FRMD5: variants seen among roughly 807,000 people sequenced by gnomAD.
FRMD5 encodes FERM domain containing 5.
A neutral mutation model predicts 69.0 loss-of-function variants in FRMD5; 20 were observed. The ratio of observed to expected loss-of-function variants is 0.29; its 90% CI spans 0.20 to 0.42. The LOEUF (loss-of-function observed/expected upper bound fraction) is 0.42, where lower values mean the gene tolerates loss of function less well. Among genes scored for constraint, FRMD5 ranks in the 10% least tolerant of loss-of-function variants. The pLI is 1.00. For synonymous variants in FRMD5, 271 were observed against 260.1 expected (o/e 1.04, Z -0.40); for missense variants, 595 against 708.6 (o/e 0.84, Z 1.82).
chr15:43,886,939 C>T (rs780126489), intron 10 of FRMD5, among the ~76,000 whole-genome samples: 5 of 152,070 alleles, frequency 3.3e-5, no homozygotes, highest in African/African-American at 4.8e-5. Context: ...CCTCCATTTC[C>T]AGTGTGGGTG....
At chr15:44,189,520 G>C (rs1442608199) in intron 1 of FRMD5, among the ~76,000 whole-genome samples, 1 of 142,250 alleles carries the variant, frequency 7.0e-6, no homozygotes, top group East Asian at 2.1e-4. Context: ...ACAGAGTCTT[G>C]CTCTGCCACC....
rs1371862939 is a variant in FRMD5 at position 44,145,383 on chromosome 15, A to G, written c.102+49570T>C. On this transcript the variant is annotated intron_variant, in intron 1 of 13. Coordinates refer to ENST00000417257, the MANE Select transcript of FRMD5 (RefSeq NM_032892.5). Reference sequence around the variant, plus strand: ...TATTTCAAGTAAAGTATTACTTTTTACTATTATATTTATTTGAACAGTTGT... The same window carrying G: ...TATTTCAAGTAAAGTATTACTTTTTGCTATTATATTTATTTGAACAGTTGT... 2.0e-5 allele frequency among the ~76,000 whole-genome samples: 3 copies of G among 152,160 alleles called. No homozygotes were observed. The East Asian group carries it at 5.8e-4, about 29-fold the overall frequency.
intron 1 of FRMD5, among the ~76,000 whole-genome samples, chr15:44,056,926 A>G (rs1218205637): frequency 6.6e-6 from 1 of 152,148 alleles, no homozygotes; most frequent in Non-Finnish European, 1.5e-5. Flanking sequence ...CTATATACCC[A>G]GAGCTTATGG....
chr15:44,026,813 T>C (rs1196938095), intron 1 of FRMD5, among the ~76,000 whole-genome samples: 1 of 152,186 alleles, frequency 6.6e-6, no homozygotes, highest in Non-Finnish European at 1.5e-5. Context: ...TTTCCAAAAT[T>C]TATTCTGCTC....
intron 1 of FRMD5, among the ~76,000 whole-genome samples, chr15:44,050,484 C>T (rs1045118472): frequency 1.3e-5 from 2 of 150,826 alleles, no homozygotes; most frequent in South Asian, 4.2e-4. Context: ...CTCAGCCTCC[C>T]GAGTAGCTGG....
At chr15:44,151,345 C>T (rs2077443555) in intron 1 of FRMD5, among the ~76,000 whole-genome samples, 1 of 145,628 alleles carries the variant, frequency 6.9e-6, no homozygotes, top group Non-Finnish European at 1.5e-5. Flanking sequence ...TGCAGTGAGC[C>T]AAGATCGCGC....
In FRMD5 at chr15:43,984,287, A is replaced by G. The variant is rs558638584; in HGVS notation, c.103-59978T>C. ...ATGCAAATAGAAAAAGCTTTACAGA[A>G]TAGTATATTCAACCCCTACCCAAAC... On this transcript the variant is annotated intron_variant, in intron 1 of 13. Transcript: ENST00000417257. 2.4e-4 allele frequency among the ~76,000 whole-genome samples: 37 copies of G among 152,300 alleles called. 2 individuals are homozygous for G. The highest frequency in any genetic ancestry group is 1.5e-4 in the Non-Finnish European group (10 of 68,022).
intron 1 of FRMD5, among the ~76,000 whole-genome samples, chr15:43,950,914 A>G (rs1019177701): frequency 6.6e-6 from 1 of 152,232 alleles, no homozygotes; most frequent in Non-Finnish European, 1.5e-5. Context: ...ATAGTCTTCA[A>G]TATAATGCCC....
intron 10 of FRMD5, among the ~76,000 whole-genome samples, chr15:43,886,094 CA>C (rs1162965341): frequency 3.3e-5 from 5 of 152,314 alleles, no homozygotes; most frequent in Middle Eastern, 3.4e-3. Context: ...CATCTAATCT[CA>C]GCCACGTCAC....
At chr15:44,040,064 G>A (rs543528019) in intron 1 of FRMD5, among the ~76,000 whole-genome samples, 47 of 152,042 alleles carry the variant, frequency 3.1e-4, no homozygotes, top group South Asian at 2.1e-3. Context: ...TCAAGCAGAA[G>A]AAAGGATATC....
At chr15:44,161,619 T>C (rs1352900694) in intron 1 of FRMD5, among the ~76,000 whole-genome samples, 1 of 152,218 alleles carries the variant, frequency 6.6e-6, no homozygotes, top group Admixed American at 6.5e-5. Flanking sequence ...TATTTAAACA[T>C]GATTTGTATA....
chr15:43,903,160 A>T (rs2089087594), intron 6 of FRMD5, among the ~76,000 whole-genome samples: 1 of 152,214 alleles, frequency 6.6e-6, no homozygotes, highest in Admixed American at 6.5e-5. Flanking sequence ...CAGAATAACC[A>T]TCAGGCTCTT....
chr15:44,181,196 C>T (rs961077288), intron 1 of FRMD5, among the ~76,000 whole-genome samples: 2 of 151,910 alleles, frequency 1.3e-5, no homozygotes, highest in Non-Finnish European at 2.9e-5. Context: ...CATGCCACCA[C>T]ACCTAATTTT....
intron 1 of FRMD5, chr15:43,990,080 C>A (rs1460377258): frequency 2.9e-6 from 2 of 695,826 alleles, no homozygotes; most frequent in Non-Finnish European, 5.4e-6. Flanking sequence ...GGGCGCCCCA[C>A]AATGAAGGGG....
At chr15:44,049,660 T>C (rs931741413) in intron 1 of FRMD5, among the ~76,000 whole-genome samples, 6 of 152,244 alleles carry the variant, frequency 3.9e-5, no homozygotes, top group Admixed American at 1.3e-4. Flanking sequence ...TCTTTCCTTG[T>C]CCTTTCTGTC....
intron 1 of FRMD5, among the ~76,000 whole-genome samples, chr15:44,185,499 T>C (rs1024561532): frequency 6.6e-6 from 1 of 152,096 alleles, no homozygotes; most frequent in Non-Finnish European, 1.5e-5. Flanking sequence ...TTTAGAGTCT[T>C]CTAGAGGCAA....
At position 44,070,702 on chromosome 15, in the gene FRMD5, T is replaced by C. The variant is rs116962309; in HGVS notation, c.102+124251A>G. ...AAAAGGGGCTAGAGTAATTAACTTA[T>C]GTAGTCCAACATTTCCTGCATGAAA... On this transcript the variant is annotated intron_variant, in intron 1 of 13. Coordinates refer to ENST00000417257, the MANE Select transcript of FRMD5 (RefSeq NM_032892.5). Among the ~76,000 whole-genome samples, 753 of 152,322 alleles carry C rather than the reference T, an allele frequency of 4.9e-3. 6 individuals are homozygous for C. The highest frequency in any genetic ancestry group is 0.01 in the Middle Eastern group (3 of 294).
chr15:44,113,484 A>C lies in FRMD5; in HGVS notation c.102+81469T>G, dbSNP rs779446153. Among the ~76,000 whole-genome samples the C allele has an allele frequency of 4.6e-5, 7 of 152,324 alleles. No homozygotes were observed. In the South Asian group the frequency reaches 1.5e-3, roughly 32 times the overall value. On this transcript the variant is annotated intron_variant, in intron 1 of 13. Transcript: ENST00000417257. The stretch of plus-strand genomic sequence containing the variant: ...CATGAGGTACATGATATGAGCATGC[A>C]ATGTGTAATAATCATATTATGGTAA...
intron 1 of FRMD5, among the ~76,000 whole-genome samples, chr15:44,131,277 A>G (rs2077093395): frequency 6.6e-6 from 1 of 152,216 alleles, no homozygotes; most frequent in Non-Finnish European, 1.5e-5. Context: ...TAAGATGTCT[A>G]TTATCAAAAA....
Sources: allele counts gnomAD v4.1 joint callset (sites outside exome capture counted in the v4.1 genomes callset), GRCh38; gene constraint gnomAD v4.1.1; transcripts MANE v1.5; gene names NCBI Gene and HGNC (gene_info 2026-07-23, HGNC 2026-07-21).